The following C4orf36 variants were observed in gnomAD, a reference collection of about 807,000 sequenced individuals.
The protein encoded by C4orf36 is chromosome 4 open reading frame 36.
A neutral mutation model predicts 12.2 loss-of-function variants in C4orf36; 11 were observed. The observed-to-expected ratio is 0.90, with a 90% CI of 0.57 to 1.49. The LOEUF is 1.49. Ranked by LOEUF, C4orf36 falls within the 40% of genes most tolerant of loss-of-function variation. The probability of loss-of-function intolerance (pLI) is 0.00; values close to 1 mark genes in which losing one functional copy is unlikely to be tolerated. For synonymous variants in C4orf36, 54 were observed against 51.3 expected (o/e 1.05, Z -0.22); for missense variants, 137 against 133.9 (o/e 1.02, Z -0.11).
chr4:86,913,576 C>A, the C4orf36 span: 2 of 1,221,946 alleles, frequency 1.6e-6, no homozygotes, highest in Non-Finnish European at 2.4e-6. Context: ...GGCCAGCAGC[C>A]ACCACTCTGT....
At chr4:86,901,826 G>C in the C4orf36 span, among the ~76,000 whole-genome samples, 2 of 152,040 alleles carry the variant, frequency 1.3e-5, no homozygotes, top group African/African-American at 4.8e-5. Flanking sequence ...ACCTGCTATG[G>C]GTTGAATTGT....
the C4orf36 span, among the ~76,000 whole-genome samples, chr4:86,930,350 T>C: frequency 6.6e-6 from 1 of 152,250 alleles, no homozygotes; most frequent in South Asian, 2.1e-4. Flanking sequence ...TCTAATTTTG[T>C]GTATAGTGTT....
At chr4:86,882,300 A>T (rs944064032) in intron 4 of C4orf36, among the ~76,000 whole-genome samples, 1 of 152,134 alleles carries the variant, frequency 6.6e-6, no homozygotes, top group Non-Finnish European at 1.5e-5. Context: ...ATTCTGGCAA[A>T]CTTTTTACAG....
In C4orf36 at chr4:86,887,786, A is replaced by T; in HGVS notation, c.328T>A (p.Leu110Met). 5.6e-6 allele frequency: 9 copies of T among 1,614,260 alleles called. No homozygotes were observed. Among genetic ancestry groups the T allele is most frequent in the Non-Finnish European group, 7.6e-6 (9 of 1,180,048 alleles). The change falls in exon 4 of 5, where the codon TTG becomes ATG. Residue 110 changes from leucine (L) to methionine (M), a missense_variant. Leu to Met is a conservative substitution (Grantham distance 15). Transcript: ENST00000295898. ...QLLLRERPAG[L>M]RRPLPSK Reference sequence around the variant, plus strand: ...CATTTAGATGGAAGAGGTCTTCTCAAACCGGCTGGCCTTTCCCTCAGGAGA... The same window carrying T: ...CATTTAGATGGAAGAGGTCTTCTCATACCGGCTGGCCTTTCCCTCAGGAGA...
At chr4:86,922,697 C>A in the C4orf36 span, among the ~76,000 whole-genome samples, 1 of 152,186 alleles carries the variant, frequency 6.6e-6, no homozygotes, top group Admixed American at 6.5e-5. Context: ...CACCTCACCC[C>A]AGTAGATGGC....
chr4:86,878,998 G>C (rs1746985229), intron 4 of C4orf36, among the ~76,000 whole-genome samples: 1 of 152,224 alleles, frequency 6.6e-6, no homozygotes. Flanking sequence ...CAGGCTGACT[G>C]GTGAAGACCC....
chr4:86,908,518 A>G, the C4orf36 span, among the ~76,000 whole-genome samples: 2 of 151,498 alleles, frequency 1.3e-5, no homozygotes. Context: ...GAGATTGGAA[A>G]GCACCTTTTC....
Position 86,891,924 on chromosome 4 carries a change from T to A in C4orf36, c.-74+259A>T, listed in dbSNP as rs371919081. ...GTGGCAGTGCTGAGCGACCAAAGGC[T>A]CTGCCTGCACAGGAACCACCCGCCC... On this transcript the variant is annotated intron_variant, in intron 1 of 4. Transcript: ENST00000295898. The A allele has an allele frequency of 8.4e-5, 77 of 912,516 alleles. No individual in the cohort carries two copies. In the African/African-American group the frequency reaches 1.2e-3, roughly 14 times the overall value. The allele number at this position is 912,516 out of a possible 1,614,324, so 56.5% of individuals were successfully genotyped here.
At chr4:86,911,080 T>C in the C4orf36 span, among the ~76,000 whole-genome samples, 2 of 151,936 alleles carry the variant, frequency 1.3e-5, no homozygotes, top group African/African-American at 4.8e-5. Flanking sequence ...AGACTCCATC[T>C]CAAAAACAAA....
At chr4:86,917,839 T>A in the C4orf36 span, among the ~76,000 whole-genome samples, 1 of 150,694 alleles carries the variant, frequency 6.6e-6, no homozygotes, top group Non-Finnish European at 1.5e-5. Context: ...CTTTACAGCA[T>A]GTTACTGTAC....
the C4orf36 span, among the ~76,000 whole-genome samples, chr4:86,907,418 G>A: frequency 6.6e-6 from 1 of 152,152 alleles, no homozygotes; most frequent in African/African-American, 2.4e-5. Flanking sequence ...CTTAATAGCA[G>A]GGTGATGAAA....
At chr4:86,891,750 A>G (rs1415642877) in intron 1 of C4orf36, among the ~76,000 whole-genome samples, 157 bp from the exon 2 acceptor site, 10 of 151,988 alleles carry the variant, frequency 6.6e-5, no homozygotes, top group Non-Finnish European at 1.5e-5. Context: ...TTTTCCATGA[A>G]CTCATTTTTT....
the C4orf36 span, among the ~76,000 whole-genome samples, chr4:86,904,075 G>A: frequency 6.6e-6 from 1 of 152,238 alleles, no homozygotes; most frequent in Non-Finnish European, 1.5e-5. Flanking sequence ...CAGAAGCCCA[G>A]CCAGCTTCAC....
At chr4:86,893,929 C>A (rs1375661567), upstream of C4orf36, among the ~76,000 whole-genome samples, 1 of 151,492 alleles carries the variant, frequency 6.6e-6, no homozygotes, top group Non-Finnish European at 1.5e-5. Context: ...TGGAGTCTCG[C>A]TCTGTCGCCC....
intron 4 of C4orf36, chr4:86,876,784 A>G (rs1278492294): frequency 7.3e-7 from 1 of 1,375,660 alleles, no homozygotes; most frequent in African/African-American, 1.5e-5. Flanking sequence ...GCAATTTTAA[A>G]ATAAAAAAAA....
chr4:86,901,049 A>G, the C4orf36 span, among the ~76,000 whole-genome samples: 14 of 151,226 alleles, frequency 9.3e-5, no homozygotes, highest in Non-Finnish European at 1.6e-4. Context: ...CAGCAGTGCA[A>G]TCTCGGCTCA....
chr4:86,928,904 C>T, the C4orf36 span, among the ~76,000 whole-genome samples: 1 of 151,264 alleles, frequency 6.6e-6, no homozygotes, highest in Admixed American at 6.6e-5. Flanking sequence ...TTTTTTCTTC[C>T]TCCTTCCCTC....
chr4:86,882,157 T>C (rs1261993791), intron 4 of C4orf36, among the ~76,000 whole-genome samples: 1 of 152,162 alleles, frequency 6.6e-6, no homozygotes, highest in Non-Finnish European at 1.5e-5. Flanking sequence ...TTTTCAGAGG[T>C]TCAGAAACAC....
intron 4 of C4orf36, among the ~76,000 whole-genome samples, chr4:86,879,435 A>C (rs541322552): frequency 6.6e-6 from 1 of 152,334 alleles, no homozygotes; most frequent in Non-Finnish European, 1.5e-5. Context: ...AGGACACTTA[A>C]GCAGAAAAAA....
Sources: allele counts gnomAD v4.1 joint callset (sites outside exome capture counted in the v4.1 genomes callset), GRCh38; gene constraint gnomAD v4.1.1; transcripts MANE v1.5; gene names NCBI Gene and HGNC (gene_info 2026-07-23, HGNC 2026-07-21).